Variants in ARMC8 observed in about 807,000 individuals in gnomAD.
The protein encoded by ARMC8 is armadillo repeat containing 8.
A neutral mutation model predicts 99.3 loss-of-function variants in ARMC8; 20 were observed. That is an observed-to-expected ratio of 0.20 (90% CI 0.14 to 0.29). The LOEUF is 0.29. Among genes scored for constraint, ARMC8 ranks in the 10% least tolerant of loss-of-function variants. The pLI is 1.00. For missense variants in ARMC8, 569 were observed against 809.5 expected (o/e 0.70, Z 3.60); for synonymous variants, 263 against 278.3 (o/e 0.95, Z 0.55).
intron 2 of ARMC8, among the ~76,000 whole-genome samples, chr3:138,215,647 TG>T: frequency 1.3e-5 from 2 of 152,310 alleles, no homozygotes; most frequent in South Asian, 4.1e-4. Flanking sequence ...CAAAATATTT[TG>T]GTAGATTTTA....
intron 14 of ARMC8, among the ~76,000 whole-genome samples, 179 bp downstream of exon 14, chr3:138,264,391 A>G (rs555591269): frequency 1.1e-4 from 16 of 150,168 alleles, no homozygotes; most frequent in African/African-American, 3.4e-4. Context: ...GTGAGGGGGA[A>G]CTACAGGCCT....
At chr3:138,285,178 C>T (rs1281144182) in intron 19 of ARMC8, among the ~76,000 whole-genome samples, 3 of 152,206 alleles carry the variant, frequency 2.0e-5, no homozygotes, top group Admixed American at 6.5e-5. Context: ...CAGTGATTCT[C>T]TAGGAAGCTG....
intron 5 of ARMC8, among the ~76,000 whole-genome samples, chr3:138,225,466 A>G (rs192202587): frequency 4.1e-4 from 62 of 152,308 alleles, no homozygotes; most frequent in Non-Finnish European, 4.1e-4. Context: ...GTCACTTTAC[A>G]TGGGGCTTTC....
At chr3:138,243,146 T>C (rs941391078) in intron 11 of ARMC8, among the ~76,000 whole-genome samples, 8 of 152,214 alleles carry the variant, frequency 5.3e-5, no homozygotes, top group South Asian at 2.1e-4. Flanking sequence ...ATAAAATGTT[T>C]TGATGGCCAT....
At chr3:138,205,050 C>G (rs1037915816) in intron 1 of ARMC8, among the ~76,000 whole-genome samples, 1 of 117,454 alleles carries the variant, frequency 8.5e-6, no homozygotes, top group South Asian at 2.8e-4. Flanking sequence ...AGTCTCTTTT[C>G]TTTTCTTTTC....
intron 2 of ARMC8, among the ~76,000 whole-genome samples, chr3:138,213,744 G>C (rs2044841582): frequency 1.3e-5 from 2 of 152,128 alleles, no homozygotes; most frequent in African/African-American, 2.4e-5. Context: ...AGAAGAAGAA[G>C]AACTCTTCAT....
At chr3:138,229,178 A>ATATATG (rs758910075) in intron 6 of ARMC8, 168 bp downstream of exon 6, 639 of 31,726 alleles carry the variant, frequency 0.02, 9 homozygotes, top group South Asian at 0.03. Context: ...ATATATATAT[A>ATATATG]TATATGTATA....
chr3:138,237,742 C>T lies in ARMC8; in HGVS notation c.776+170C>T, dbSNP rs188341460. ...CTTAAATGGATGTGAGTTTTTTATACTCAGCTTATTACTAGTAATATGCAG... is the reference window on the plus strand; with the variant it reads ...CTTAAATGGATGTGAGTTTTTTATATTCAGCTTATTACTAGTAATATGCAG... On this transcript the variant is annotated intron_variant, in intron 9 of 21. Transcript: ENST00000469044. 2.0e-3 allele frequency among the ~76,000 whole-genome samples: 306 copies of T among 152,274 alleles called. 1 individual carries two copies. The highest frequency in any genetic ancestry group is 7.1e-3 in the African/African-American group (297 of 41,560).
intron 18 of ARMC8, among the ~76,000 whole-genome samples, chr3:138,278,190 A>T (rs2049493256): frequency 6.6e-6 from 1 of 152,142 alleles, no homozygotes; most frequent in Non-Finnish European, 1.5e-5. Context: ...TGCTGACTGT[A>T]CTGGTGGTTT....
intron 6 of ARMC8, among the ~76,000 whole-genome samples, chr3:138,231,864 G>C (rs1056389344): frequency 1.3e-5 from 2 of 151,162 alleles, no homozygotes; most frequent in Non-Finnish European, 2.9e-5. Flanking sequence ...GGTTCCTGCA[G>C]GTTGATTTGG....
chr3:138,296,727 G>A lies in ARMC8; in HGVS notation c.*835G>A, dbSNP rs559507008. 1 of 152,234 alleles carries A rather than the reference G, an allele frequency of 6.6e-6. No individual in the cohort carries two copies. Among genetic ancestry groups the A allele is most frequent in the African/African-American group, 2.4e-5 (1 of 41,532 alleles). The allele number at this position is 152,234 out of a possible 1,614,324, so 9.4% of individuals were successfully genotyped here. ...AAGTCAAATGGAGAAGTAAAGTGAG[G>A]CAACAGATTCACCATAGGCTTTTTG... On this transcript the variant is annotated 3_prime_UTR_variant, in exon 22 of 22. Transcript: ENST00000469044.
intron 2 of ARMC8, among the ~76,000 whole-genome samples, chr3:138,210,606 C>A (rs1452826063): frequency 6.6e-6 from 1 of 152,100 alleles, no homozygotes; most frequent in Non-Finnish European, 1.5e-5. Context: ...CAGGCCTGAA[C>A]TGTGTCTATG....
intron 5 of ARMC8, among the ~76,000 whole-genome samples, chr3:138,224,120 G>A (rs1338495621): frequency 6.6e-6 from 1 of 151,578 alleles, no homozygotes; most frequent in African/African-American, 2.4e-5. Context: ...CACCACACCC[G>A]GCTAATTTTT....
chr3:138,196,394 A>G (rs916865979), intron 1 of ARMC8, among the ~76,000 whole-genome samples: 4 of 152,182 alleles, frequency 2.6e-5, no homozygotes, highest in Admixed American at 1.3e-4. Context: ...TTATTTTGGC[A>G]TCATCAGTGT....
intron 16 of ARMC8, among the ~76,000 whole-genome samples, chr3:138,272,005 T>G (rs1408257067): frequency 6.6e-6 from 1 of 152,186 alleles, no homozygotes; most frequent in Non-Finnish European, 1.5e-5. Flanking sequence ...AAGTTGTTAC[T>G]TGGAATTTAT....
chr3:138,251,588 G>A (rs1241809463), intron 12 of ARMC8, among the ~76,000 whole-genome samples: 5 of 152,204 alleles, frequency 3.3e-5, no homozygotes, highest in Non-Finnish European at 7.3e-5. Flanking sequence ...TGTGAACCTT[G>A]CAACATTCAT....
chr3:138,204,403 A>G (rs947808884), intron 1 of ARMC8, among the ~76,000 whole-genome samples: 2 of 152,252 alleles, frequency 1.3e-5, no homozygotes, highest in Non-Finnish European at 2.9e-5. Context: ...ATTTCCGTCA[A>G]TGAATAAGCA....
chr3:138,198,493 TTTATTATTA>T (rs139933871), intron 1 of ARMC8, among the ~76,000 whole-genome samples: 37 of 146,414 alleles, frequency 2.5e-4, no homozygotes, highest in South Asian at 1.3e-3. Context: ...TTGTATATTC[TTTATTATTA>T]TTATTATTAT....
At chr3:138,288,466 A>T (rs2050630642) in intron 19 of ARMC8, among the ~76,000 whole-genome samples, 1 of 152,168 alleles carries the variant, frequency 6.6e-6, no homozygotes, top group African/African-American at 2.4e-5. Context: ...TTGTTTGTCC[A>T]GCCAGATGGT....
Sources: allele counts gnomAD v4.1 joint callset (sites outside exome capture counted in the v4.1 genomes callset), GRCh38; gene constraint gnomAD v4.1.1; transcripts MANE v1.5; gene names NCBI Gene and HGNC (gene_info 2026-07-23, HGNC 2026-07-21).